The following FBXO3 variants were observed in gnomAD, a reference collection of about 807,000 sequenced individuals.
The protein encoded by FBXO3 is F-box protein 3, also known as F-box only protein 3.
A neutral mutation model predicts 64.8 loss-of-function variants in FBXO3; 17 were observed. The observed-to-expected ratio is 0.26, with a 90% confidence interval of 0.18 to 0.39. FBXO3 has a LOEUF of 0.39. Ranked by LOEUF, FBXO3 falls within the 10% of genes least tolerant of loss-of-function variation. The pLI is 1.00. For missense variants in FBXO3, 420 were observed against 589.9 expected (o/e 0.71, Z 2.98); for synonymous variants, 182 against 201.6 (o/e 0.90, Z 0.82).
chr11:33,741,862 T>G lies in FBXO3; in HGVS notation c.*46A>C. The G allele has an allele frequency of 6.5e-7, 1 of 1,532,770 alleles. No individual in the cohort carries two copies. Among genetic ancestry groups the G allele is most frequent in the South Asian group, 1.3e-5 (1 of 76,914 alleles). The allele number at this position is 1,532,770 out of a possible 1,614,324, so 94.9% of individuals were successfully genotyped here. A position where few individuals can be genotyped will look rare whatever the true frequency, so the allele number is the denominator to read the frequency against. ...TTATTTACATTATTGAGAAATCTATTTAACAGCCTAGAATCATCCTAGTGC... is the reference window on the plus strand; with the variant it reads ...TTATTTACATTATTGAGAAATCTATGTAACAGCCTAGAATCATCCTAGTGC... On this transcript the variant is annotated 3_prime_UTR_variant, in exon 11 of 11. Coordinates refer to ENST00000265651, the MANE Select transcript of FBXO3 (RefSeq NM_012175.4).
intron 7 of FBXO3, 117 bp from the exon 8 acceptor site, chr11:33,750,778 T>C (rs1590566647): frequency 2.2e-6 from 2 of 918,250 alleles, no homozygotes; most frequent in African/African-American, 1.7e-5. Context: ...CCCAGAAAAG[T>C]TCAATAATAT....
intron 6 of FBXO3, 77 bp from the exon 7 acceptor site, chr11:33,751,684 C>G: frequency 1.3e-6 from 1 of 777,854 alleles, no homozygotes; most frequent in Non-Finnish European, 2.1e-6. Context: ...AATTGTAATT[C>G]CTCTATGCTT....
chr11:33,758,584 C>A lies in FBXO3; in HGVS notation c.376G>T (p.Asp126Tyr), dbSNP rs763773139. Residue 126 changes from aspartate (D) to tyrosine (Y), a missense_variant, in exon 4 of 11, where the codon GAC becomes TAC. Asp to Tyr is a radical substitution (Grantham distance 160). Around this residue, in one of 3 missense-constraint regions of FBXO3, gnomAD observed 337 missense variants for 518.4 expected, o/e 0.65. Coordinates refer to ENST00000265651, the MANE Select transcript of FBXO3 (RefSeq NM_012175.4). ...ATCTGCGCTTCCACAGCATCGAGGT[C>A]TTCCTCTCGAGCACCCTCTATAAAG... ...LSLKEGAREE[D>Y]LDAVEAQIGC... 6.2e-7 allele frequency: 1 copy of A among 1,606,472 alleles called. No individual in the cohort carries two copies. Among genetic ancestry groups the A allele is most frequent in the South Asian group, 1.1e-5 (1 of 90,424 alleles).
chr11:33,741,903 G>T lies in FBXO3; in HGVS notation c.*5C>A, dbSNP rs377160472. On this transcript the variant is annotated 3_prime_UTR_variant, in exon 11 of 11. Transcript: ENST00000265651. ...ATCCTAGTGCTTCCATCAGCAGAAGGCTTGCTAAAAAAGGCGTGAGCAGCG... is the reference window on the plus strand; with the variant it reads ...ATCCTAGTGCTTCCATCAGCAGAAGTCTTGCTAAAAAAGGCGTGAGCAGCG... 19 of 1,608,828 alleles carry T rather than the reference G, an allele frequency of 1.2e-5. No homozygotes were observed. The East Asian group carries it at 3.1e-4, about 26-fold the overall frequency.
intron 3 of FBXO3, among the ~76,000 whole-genome samples, chr11:33,760,624 AACAAAGCAAG>A (rs986882676): frequency 6.6e-6 from 1 of 152,220 alleles, no homozygotes; most frequent in African/African-American, 2.4e-5. Context: ...CAGCCTGGGC[AACAAAGCAAG>A]ACCCTGTCTT....
At chr11:33,745,565 C>A (rs1218990715) in intron 10 of FBXO3, 1 of 152,076 alleles carries the variant, frequency 6.6e-6, no homozygotes, top group Non-Finnish European at 1.5e-5. Flanking sequence ...TGAAAATTAA[C>A]ACATTTCTAG....
At chr11:33,748,694 C>T (rs1854877462) in intron 9 of FBXO3, 83 bp downstream of exon 9, 1 of 792,566 alleles carries the variant, frequency 1.3e-6, no homozygotes, top group Non-Finnish European at 2.0e-6. Flanking sequence ...GACCTTTATA[C>T]ATTTATATGT....
intron 4 of FBXO3, among the ~76,000 whole-genome samples, chr11:33,757,701 G>GTAA (rs1363805361): frequency 5.3e-5 from 7 of 132,298 alleles, no homozygotes; most frequent in Non-Finnish European, 9.4e-5. Context: ...GTTTGCATCT[G>GTAA]TAATCCCAGC....
chr11:33,774,289 G>A, intron 1 of FBXO3, 105 bp downstream of exon 1: 1 of 995,602 alleles, frequency 1.0e-6, no homozygotes, highest in Non-Finnish European at 1.5e-6. Flanking sequence ...ACCTTCTGGT[G>A]TCGCGGAAGC....
chr11:33,750,685 T>A (rs1300365636), intron 7 of FBXO3, 24 bp from the exon 8 acceptor site: 8 of 1,597,458 alleles, frequency 5.0e-6, no homozygotes, highest in Non-Finnish European at 6.8e-6. Flanking sequence ...AAATTAAACA[T>A]TTTAAAATCA....
At chr11:33,748,184 T>C (rs1854866012) in intron 9 of FBXO3, among the ~76,000 whole-genome samples, 1 of 151,986 alleles carries the variant, frequency 6.6e-6, no homozygotes, top group Admixed American at 6.6e-5. Flanking sequence ...CCAGAAAAAA[T>C]TCCTGGACTG....
In FBXO3 at chr11:33,751,627, G is replaced by C. The variant is rs759165839; in HGVS notation, c.725-20C>G. On this transcript the variant is annotated intron_variant, in intron 6 of 10. Transcript: ENST00000265651. ...TAGCACCTATAAAGCAGGAAAGGGAGAAAAAAAGAAAAGAACAAATAGTTT... is the reference window on the plus strand; with the variant it reads ...TAGCACCTATAAAGCAGGAAAGGGACAAAAAAAGAAAAGAACAAATAGTTT... 1.9e-5 allele frequency: 27 copies of C among 1,389,662 alleles called. No individual in the cohort carries two copies. The Admixed American group carries it at 5.5e-4, about 28-fold the overall frequency. 86.1% of individuals were successfully genotyped at this position (1,389,662 alleles called of 1,614,324 possible).
chr11:33,759,994 AG>A (rs760498842), intron 3 of FBXO3, among the ~76,000 whole-genome samples: 23 of 152,344 alleles, frequency 1.5e-4, no homozygotes, highest in Middle Eastern at 3.4e-3. Context: ...GAAGACAAAA[AG>A]GGACGGAAAA....
In FBXO3 at chr11:33,752,271, T is replaced by A. The variant is rs540272454; in HGVS notation, c.725-664A>T. On this transcript the variant is annotated intron_variant, in intron 6 of 10. Coordinates refer to ENST00000265651, the MANE Select transcript of FBXO3 (RefSeq NM_012175.4). The stretch of plus-strand genomic sequence containing the variant: ...TATCTGTGATCTAATGATTGGATTA[T>A]AACAAGTATTTACATGAATTAATAA... Among the ~76,000 whole-genome samples the A allele has an allele frequency of 2.8e-4, 43 of 152,354 alleles. No individual in the cohort carries two copies. In the Middle Eastern group the frequency reaches 0.017, roughly 60 times the overall value.
At chr11:33,754,364 T>A (rs1855037127) in intron 6 of FBXO3, 91 bp downstream of exon 6, 1 of 1,074,750 alleles carries the variant, frequency 9.3e-7, no homozygotes, top group Non-Finnish European at 1.3e-6. Flanking sequence ...TGCCAGCTGC[T>A]AAAGTAGCTG....
At chr11:33,750,303 C>T (rs1164901907) in intron 8 of FBXO3, among the ~76,000 whole-genome samples, 1 of 152,146 alleles carries the variant, frequency 6.6e-6, no homozygotes, top group Admixed American at 6.5e-5. Context: ...TCCACAGTAC[C>T]TGGCACAATA....
intron 10 of FBXO3, chr11:33,742,672 C>G (rs1854715046): frequency 6.6e-6 from 1 of 152,102 alleles, no homozygotes; most frequent in South Asian, 2.1e-4. Flanking sequence ...CAAGTATGAC[C>G]TCTACTGGTA....
chr11:33,767,781 C>T (rs1230461756), intron 3 of FBXO3: 2 of 152,156 alleles, frequency 1.3e-5, no homozygotes, highest in African/African-American at 4.8e-5. Context: ...CACCAAATAT[C>T]TATTTTCAGA....
intron 3 of FBXO3, chr11:33,763,108 C>A: frequency 1.0e-5 from 2 of 195,794 alleles, no homozygotes; most frequent in South Asian, 8.6e-5. Flanking sequence ...GAATTGAATC[C>A]ATAATTTAAA....
Sources: allele counts gnomAD v4.1 joint callset (sites outside exome capture counted in the v4.1 genomes callset), GRCh38; gene constraint gnomAD v4.1.1; regional missense constraint gnomAD v4.1.1; transcripts MANE v1.5; gene names NCBI Gene and HGNC (gene_info 2026-07-23, HGNC 2026-07-21).